CRB1: variants seen among roughly 807,000 people sequenced by gnomAD.
CRB1 encodes protein crumbs homolog 1.
A neutral mutation model predicts 120.0 loss-of-function variants in CRB1; 83 were observed. The observed-to-expected ratio is 0.69, with a 90% confidence interval of 0.58 to 0.83. The LOEUF (loss-of-function observed/expected upper bound fraction) is 0.83. Ranked by LOEUF, CRB1 falls within the 40% of genes least tolerant of loss-of-function variation. The pLI is 0.00. For missense variants in CRB1, 1,699 were observed against 1,687.6 expected, an observed-to-expected ratio of 1.01 and a Z score of -0.12; for synonymous variants, 625 against 612.5, an observed-to-expected ratio of 1.02 and a Z score of -0.30.
chr1:197,414,077 T>C (rs1005487090), intron 5 of CRB1: 8 of 364,238 alleles, frequency 2.2e-5, no homozygotes, highest in African/African-American at 1.7e-4. Context: ...GCAACTATTG[T>C]TTAATGCTAT....
At chr1:197,443,977 G>T (rs1473935077) in intron 11 of CRB1, 1 of 152,128 alleles carries the variant, frequency 6.6e-6, no homozygotes, top group African/African-American at 2.4e-5. Context: ...ACAATGGCCT[G>T]CCAAATGTCA....
chr1:197,209,512 A>T, the CRB1 span, among the ~76,000 whole-genome samples: 3 of 151,762 alleles, frequency 2.0e-5, no homozygotes, highest in South Asian at 4.2e-4. Flanking sequence ...TGCCTGGCTA[A>T]TTTTTTTGTA....
chr1:197,450,481 C>G (rs1665905338), intron 11 of CRB1, among the ~76,000 whole-genome samples: 1 of 151,978 alleles, frequency 6.6e-6, no homozygotes, highest in Non-Finnish European at 1.5e-5. Flanking sequence ...GATCCTGTCA[C>G]CAGGTAGTGA....
At chr1:197,383,608 A>G (rs899279928) in intron 5 of CRB1, among the ~76,000 whole-genome samples, 1 of 152,184 alleles carries the variant, frequency 6.6e-6, no homozygotes, top group Non-Finnish European at 1.5e-5. Context: ...ACAACCTGAT[A>G]TGCAGCTTCC....
At chr1:197,253,619 C>A in the CRB1 span, among the ~76,000 whole-genome samples, 1 of 151,908 alleles carries the variant, frequency 6.6e-6, no homozygotes, top group South Asian at 2.1e-4. Flanking sequence ...CATACTTTAC[C>A]AAAAATCTGC....
the CRB1 span, among the ~76,000 whole-genome samples, chr1:197,233,134 T>C: frequency 1.4e-4 from 22 of 152,100 alleles, no homozygotes; most frequent in Non-Finnish European, 2.2e-4. Flanking sequence ...GTGGCCAAGA[T>C]AGTAAATCAA....
At chr1:197,456,011 A>T (rs956324806) in intron 11 of CRB1, among the ~76,000 whole-genome samples, 5 of 152,108 alleles carry the variant, frequency 3.3e-5, no homozygotes, top group African/African-American at 1.2e-4. Context: ...TGATTATTTC[A>T]TTGTCTATTT....
chr1:197,365,572 TC>T (rs1201626576), intron 5 of CRB1, among the ~76,000 whole-genome samples: 1 of 151,718 alleles, frequency 6.6e-6, no homozygotes, highest in Admixed American at 6.6e-5. Context: ...TCTTTTCTTT[TC>T]TTTTTTTCTC....
At chr1:197,432,978 G>A (rs1196403294) in intron 8 of CRB1, among the ~76,000 whole-genome samples, 1 of 151,942 alleles carries the variant, frequency 6.6e-6, no homozygotes. Flanking sequence ...TGTGGCCTGT[G>A]AATGAATTGG....
chr1:197,204,562 G>T, the CRB1 span, among the ~76,000 whole-genome samples: 26 of 151,970 alleles, frequency 1.7e-4, no homozygotes, highest in Admixed American at 1.0e-3. Flanking sequence ...ATGTTTGTTG[G>T]CCATTTGTAT....
chr1:197,471,214 G>T (rs1666965045), intron 11 of CRB1, among the ~76,000 whole-genome samples: 2 of 152,078 alleles, frequency 1.3e-5, no homozygotes, highest in South Asian at 4.2e-4. Flanking sequence ...CCCAGCTATT[G>T]TGATGACCCC....
intron 4 of CRB1, among the ~76,000 whole-genome samples, chr1:197,349,579 C>A (rs953035598): frequency 6.6e-6 from 1 of 152,108 alleles, no homozygotes; most frequent in Non-Finnish European, 1.5e-5. Context: ...GGAAAGGAAA[C>A]CTGGAGACTA....
chr1:197,230,401 T>A, the CRB1 span, among the ~76,000 whole-genome samples: 1 of 152,228 alleles, frequency 6.6e-6, no homozygotes, highest in Non-Finnish European at 1.5e-5. Context: ...TTTATTTTTT[T>A]AACCACCTTT....
Position 197,419,745 on chromosome 1 carries a change from C to T in CRB1, c.1172-1255C>T, listed in dbSNP as rs189903647. 7.6e-4 allele frequency among the ~76,000 whole-genome samples: 111 copies of T among 145,146 alleles called. No homozygotes were observed. In the East Asian group the frequency reaches 0.02, roughly 27 times the overall value. On this transcript the variant is annotated intron_variant, in intron 5 of 11. Transcript: ENST00000367400. ...ATCCCAGCACTTTGGGAGGCCGAGG[C>T]GGGTGGATCACGAGGTCAGGAGATC...
chr1:197,421,185 A>C lies in CRB1; in HGVS notation c.1357A>C (p.Asn453His). ...LGCTHQQCLNNGTCIPHFQDG... is the reference protein window; with the variant it reads ...LGCTHQQCLNHGTCIPHFQDG... ...CTGTACCCATCAGCAATGTCTAAAT[A>C]ATGGAACATGCATCCCTCACTTCCA... The change falls in exon 6 of 12, where the codon AAT becomes CAT. Residue 453 changes from asparagine to histidine, a missense_variant. Transcript: ENST00000367400. The C allele has an allele frequency of 6.2e-7, 1 of 1,614,194 alleles. No homozygotes were observed. Among genetic ancestry groups the C allele is most frequent in the Non-Finnish European group, 8.5e-7 (1 of 1,180,034 alleles).
chr1:197,446,779 G>T (rs1273368629), intron 11 of CRB1, among the ~76,000 whole-genome samples: 1 of 152,132 alleles, frequency 6.6e-6, no homozygotes, highest in Non-Finnish European at 1.5e-5. Context: ...GAAGCTGTGG[G>T]TCTAAGGGGG....
rs150412614 is a variant in CRB1 at position 197,427,555 on chromosome 1, C to T, written c.2230C>T (p.Arg744Ter). 19 of 1,613,702 alleles carry T rather than the reference C, an allele frequency of 1.2e-5. No individual in the cohort carries two copies. The highest frequency in any genetic ancestry group is 4.5e-5 in the East Asian group (2 of 44,890). The change falls in exon 7 of 12, where the codon CGA becomes TGA. Residue 744 changes from arginine (R) to a stop codon, truncating the protein, a stop_gained. Coordinates refer to ENST00000367400, the MANE Select transcript of CRB1 (RefSeq NM_201253.3). LOFTEE classifies it high-confidence loss of function. ...GDTISLSMFV[R>*]TLQPSGLLLA... Reference sequence around the variant, plus strand: ...CACCATCAGCCTCTCCATGTTTGTCCGAACGCTTCAACCATCAGGCTTACT... The same window carrying T: ...CACCATCAGCCTCTCCATGTTTGTCTGAACGCTTCAACCATCAGGCTTACT...
chr1:197,322,213 G>T (rs910053579), intron 1 of CRB1, among the ~76,000 whole-genome samples: 3 of 152,106 alleles, frequency 2.0e-5, no homozygotes, highest in African/African-American at 4.8e-5. Flanking sequence ...AGGTACGGTG[G>T]CTCATGCCTG....
chr1:197,224,260 G>T, the CRB1 span, among the ~76,000 whole-genome samples: 4 of 152,022 alleles, frequency 2.6e-5, no homozygotes, highest in African/African-American at 9.7e-5. Flanking sequence ...AATAGAGTGA[G>T]ATATATATTC....
Sources: allele counts gnomAD v4.1 joint callset (sites outside exome capture counted in the v4.1 genomes callset), GRCh38; gene constraint gnomAD v4.1.1; transcripts MANE v1.5; gene names NCBI Gene and HGNC (gene_info 2026-07-23, HGNC 2026-07-21).